Variants in RBFOX1 observed in about 807,000 individuals in gnomAD.
RBFOX1 encodes RNA binding fox-1 homolog 1, also known as RNA binding protein fox-1 homolog 1.
RBFOX1 carries 8 observed loss-of-function variants against 57.7 expected under a neutral mutation model. The observed-to-expected ratio is 0.14, with a 90% CI of 0.08 to 0.25. The LOEUF (loss-of-function observed/expected upper bound fraction) is 0.25, where lower values mean the gene tolerates loss of function less well. Among genes scored for constraint, RBFOX1 ranks in the 10% least tolerant of loss-of-function variants. RBFOX1 has a pLI of 1.00. For missense variants in RBFOX1, 611 were observed against 548.5 expected, an observed-to-expected ratio of 1.11 and a Z score of -1.14; for synonymous variants, 326 against 222.4, an observed-to-expected ratio of 1.47 and a Z score of -4.15.
chr16:5,751,812 A>C (rs1245702508), intron 3 of RBFOX1, among the ~76,000 whole-genome samples: 1 of 152,196 alleles, frequency 6.6e-6, no homozygotes, highest in Non-Finnish European at 1.5e-5. Flanking sequence ...ATGGTTTTTT[A>C]TTCCTTATTG....
chr16:7,677,603 A>G (rs578064571), intron 14 of RBFOX1, among the ~76,000 whole-genome samples: 1 of 152,266 alleles, frequency 6.6e-6, no homozygotes, highest in Admixed American at 6.5e-5. Context: ...CTACTTTTGT[A>G]TGGTTGCCTT....
At chr16:7,086,277 G>C (rs887284264) in intron 4 of RBFOX1, among the ~76,000 whole-genome samples, 4 of 152,102 alleles carry the variant, frequency 2.6e-5, no homozygotes, top group Non-Finnish European at 5.9e-5. Flanking sequence ...AAGGGGCTCG[G>C]TTAAGCAGTT....
chr16:5,745,612 C>G (rs1242073625), intron 3 of RBFOX1, among the ~76,000 whole-genome samples: 1 of 152,174 alleles, frequency 6.6e-6, no homozygotes, highest in Non-Finnish European at 1.5e-5. Context: ...CTGTTGTTTC[C>G]TGACTTTTTA....
chr16:6,810,027 CTT>C (rs71145299), intron 3 of RBFOX1, among the ~76,000 whole-genome samples: 4 of 142,640 alleles, frequency 2.8e-5, no homozygotes, highest in Non-Finnish European at 3.1e-5. Flanking sequence ...TCTCTCTCAC[CTT>C]TTTTTTTTTT....
At chr16:6,872,492 G>T (rs956377874) in intron 3 of RBFOX1, among the ~76,000 whole-genome samples, 2 of 152,042 alleles carry the variant, frequency 1.3e-5, no homozygotes, top group African/African-American at 4.8e-5. Flanking sequence ...TTAGGTTTCA[G>T]GCTTCCCTGA....
intron 4 of RBFOX1, among the ~76,000 whole-genome samples, chr16:7,134,926 C>CTT (rs575938480): frequency 8.5e-5 from 12 of 141,958 alleles, no homozygotes; most frequent in African/African-American, 5.2e-5. Context: ...TTGAATTTAT[C>CTT]TTTTTTTTTT....
At chr16:6,172,069 C>T (rs536471881) in intron 1 of RBFOX1, among the ~76,000 whole-genome samples, 11 of 152,240 alleles carry the variant, frequency 7.2e-5, no homozygotes, top group African/African-American at 2.6e-4. Flanking sequence ...GATATGCCTG[C>T]CTCTGCCTCC....
intron 3 of RBFOX1, among the ~76,000 whole-genome samples, chr16:6,814,382 T>G (rs1022310647): frequency 2.0e-5 from 3 of 152,200 alleles, no homozygotes; most frequent in Non-Finnish European, 4.4e-5. Flanking sequence ...GACATTGTTT[T>G]CCATCCATTC....
chr16:6,046,949 T>A (rs1020891518), intron 1 of RBFOX1, among the ~76,000 whole-genome samples: 7 of 152,090 alleles, frequency 4.6e-5, no homozygotes, highest in African/African-American at 1.7e-4. Flanking sequence ...GTAACGGAGT[T>A]AATGGATGTT....
intron 3 of RBFOX1, among the ~76,000 whole-genome samples, chr16:5,804,250 T>C (rs752614542): frequency 3.3e-5 from 5 of 152,146 alleles, no homozygotes; most frequent in Non-Finnish European, 5.9e-5. Context: ...GGATGAATTG[T>C]TGGATAGGTG....
intron 3 of RBFOX1, among the ~76,000 whole-genome samples, chr16:6,851,316 G>T (rs147483532): frequency 1.3e-5 from 2 of 152,088 alleles, no homozygotes; most frequent in Non-Finnish European, 2.9e-5. Context: ...CATAGAAGGC[G>T]TCTTTTTGTC....
intron 4 of RBFOX1, among the ~76,000 whole-genome samples, chr16:7,228,330 AT>A (rs2093281424): frequency 6.6e-6 from 1 of 152,154 alleles, no homozygotes; most frequent in South Asian, 2.1e-4. Context: ...TAGGAGGAAA[AT>A]CAAGGGTTCC....
intron 4 of RBFOX1, among the ~76,000 whole-genome samples, chr16:7,184,071 G>A (rs867575822): frequency 6.6e-6 from 1 of 152,180 alleles, no homozygotes; most frequent in African/African-American, 2.4e-5. Context: ...GGAGAAGAAG[G>A]CAGGATTGGT....
intron 3 of RBFOX1, among the ~76,000 whole-genome samples, chr16:6,768,388 A>T (rs1215428769): frequency 6.6e-6 from 1 of 151,942 alleles, no homozygotes; most frequent in Non-Finnish European, 1.5e-5. Flanking sequence ...TTATTCTTTG[A>T]AAATACAAAT....
intron 1 of RBFOX1, among the ~76,000 whole-genome samples, chr16:6,056,792 G>T (rs1165479949): frequency 2.0e-5 from 3 of 151,046 alleles, no homozygotes; most frequent in African/African-American, 7.3e-5. Context: ...GATCAACAGT[G>T]ATAAATATTT....
intron 4 of RBFOX1, among the ~76,000 whole-genome samples, chr16:5,991,352 G>A (rs2060392196): frequency 6.6e-6 from 1 of 152,176 alleles, no homozygotes; most frequent in Non-Finnish European, 1.5e-5. Context: ...CAAACGGGTA[G>A]CTACAGCTCA....
intron 3 of RBFOX1, among the ~76,000 whole-genome samples, chr16:7,033,310 A>G (rs558864387): frequency 1.3e-5 from 2 of 152,330 alleles, no homozygotes; most frequent in East Asian, 3.9e-4. Context: ...ACCCGAGGCC[A>G]GGAGTTTGAG....
chr16:7,316,008 C>G (rs976926370), intron 4 of RBFOX1, among the ~76,000 whole-genome samples: 1 of 152,150 alleles, frequency 6.6e-6, no homozygotes, highest in Non-Finnish European at 1.5e-5. Flanking sequence ...GGGATTTGTG[C>G]AAATCTGGTG....
chr16:6,724,881 C>G (rs919363341), intron 3 of RBFOX1, among the ~76,000 whole-genome samples: 1 of 152,064 alleles, frequency 6.6e-6, no homozygotes, highest in Non-Finnish European at 1.5e-5. Context: ...CTGCCTCCCC[C>G]AAAGCCATAT....
Sources: allele counts gnomAD v4.1 joint callset (sites outside exome capture counted in the v4.1 genomes callset), GRCh38; gene constraint gnomAD v4.1.1; transcripts MANE v1.5; gene names NCBI Gene and HGNC (gene_info 2026-07-23, HGNC 2026-07-21).